The following KSR2 variants were observed in gnomAD, a reference collection of about 807,000 sequenced individuals.
The protein encoded by KSR2 is kinase suppressor of ras 2.
Under a neutral mutation model 107.8 loss-of-function variants are expected in KSR2, and 25 were observed. The ratio of observed to expected loss-of-function variants is 0.23; its 90% CI spans 0.17 to 0.32. The LOEUF is 0.32. KSR2 is among the 10% of genes least tolerant of loss of function. The probability of loss-of-function intolerance (pLI) is 1.00; values close to 1 mark genes in which losing one functional copy is unlikely to be tolerated. For missense variants in KSR2, 887 were observed against 1,268.9 expected (o/e 0.70, Z 4.57); for synonymous variants, 480 against 507.0 (o/e 0.95, Z 0.71).
At chr12:117,773,871 C>T (rs1889593698) in intron 3 of KSR2, among the ~76,000 whole-genome samples, 6 of 149,614 alleles carry the variant, frequency 4.0e-5, no homozygotes, top group Admixed American at 3.3e-4. Flanking sequence ...GTTTGCTGTG[C>T]CCCTACCATG....
chr12:117,675,522 T>G (rs1885078824), intron 4 of KSR2, among the ~76,000 whole-genome samples: 1 of 152,246 alleles, frequency 6.6e-6, no homozygotes, highest in Non-Finnish European at 1.5e-5. Context: ...TGGCAGGTGG[T>G]TGCACATTCA....
intron 5 of KSR2, among the ~76,000 whole-genome samples, chr12:117,659,551 G>A (rs1409382458): frequency 6.6e-6 from 1 of 152,190 alleles, no homozygotes; most frequent in Non-Finnish European, 1.5e-5. Context: ...CACTTTGAGT[G>A]GCAGCAGAGA....
chr12:117,848,841 G>GTGATGGTGGTGATGGTGA (rs1555249537), intron 3 of KSR2, among the ~76,000 whole-genome samples: 16 of 141,780 alleles, frequency 1.1e-4, no homozygotes, highest in African/African-American at 4.1e-4. Context: ...GGTAGTGGTG[G>GTGATGGTGGTGATGGTGA]TGATGGTGAT....
At chr12:117,816,966 C>A (rs1193197202) in intron 3 of KSR2, among the ~76,000 whole-genome samples, 3 of 152,174 alleles carry the variant, frequency 2.0e-5, no homozygotes. Flanking sequence ...GCACATCCAT[C>A]TGGCTGTTCA....
chr12:117,636,347 A>G lies in KSR2; in HGVS notation c.1171+31127T>C, dbSNP rs558637402. The stretch of plus-strand genomic sequence containing the variant: ...AATAAATCTTATGTACTCCAAATAT[A>G]TATATATATATATGGATATATGTAT... On this transcript the variant is annotated intron_variant, in intron 5 of 19. Coordinates refer to ENST00000339824, the MANE Select transcript of KSR2 (RefSeq NM_173598.6). 2.3e-3 allele frequency among the ~76,000 whole-genome samples: 238 copies of G among 104,078 alleles called. 1 individual carries two copies. Among genetic ancestry groups the G allele is most frequent in the African/African-American group, 8.5e-3 (226 of 26,744 alleles). The allele number at this position is 104,078 out of a possible 152,430, so 68.3% of individuals were successfully genotyped here. A position where few individuals can be genotyped will look rare whatever the true frequency, so the allele number is the denominator to read the frequency against.
rs1889023043 is a variant in KSR2, at chr12:117,761,531, T to C, written c.473-7A>G. 2 of 1,612,990 alleles carry C rather than the reference T, an allele frequency of 1.2e-6. No homozygotes were observed. Among genetic ancestry groups the C allele is most frequent in the African/African-American group, 1.3e-5 (1 of 74,960 alleles). ...TGTTTGGAAAGGTTGCCTCCTGAGT[T>C]GGAACAGAAGAGCAGAGACAATGGG... On this transcript the variant is annotated splice_polypyrimidine_tract_variant and splice_region_variant and intron_variant, in intron 3 of 19. Transcript: ENST00000339824.
intron 3 of KSR2, among the ~76,000 whole-genome samples, chr12:117,793,377 ACAC>A (rs1169986288): frequency 6.7e-6 from 1 of 148,476 alleles, no homozygotes; most frequent in Non-Finnish European, 1.5e-5. Context: ...ACATGCACAC[ACAC>A]CACTGTGCAC....
chr12:117,754,850 C>T (rs542948814), intron 4 of KSR2, among the ~76,000 whole-genome samples: 80 of 152,236 alleles, frequency 5.3e-4, no homozygotes, highest in Middle Eastern at 3.4e-3. Flanking sequence ...AACCCAAGAC[C>T]TCCTTTGGTA....
chr12:117,637,741 A>AGG (rs1883182524), intron 5 of KSR2, among the ~76,000 whole-genome samples: 4 of 128,218 alleles, frequency 3.1e-5, no homozygotes, highest in Non-Finnish European at 6.2e-5. Flanking sequence ...GAGTGCAATG[A>AGG]CACGATCTCA....
chr12:117,723,812 A>T lies in KSR2; in HGVS notation c.986+37199T>A, dbSNP rs181562413. On this transcript the variant is annotated intron_variant, in intron 4 of 19. Transcript: ENST00000339824. ...CAACCATTTCATAATATCATTTTTTAAAAAAATCTAATACGGGATTTTTGA... is the reference window on the plus strand; with the variant it reads ...CAACCATTTCATAATATCATTTTTTTAAAAAATCTAATACGGGATTTTTGA... Among the ~76,000 whole-genome samples, 22 of 152,262 alleles carry T rather than the reference A, an allele frequency of 1.4e-4. No homozygotes were observed. In the East Asian group the frequency reaches 2.5e-3, roughly 17 times the overall value.
At position 117,958,025 on chromosome 12, in the gene KSR2, GT is replaced by G. The variant is rs376133899; in HGVS notation, c.180+10050del. Among the ~76,000 whole-genome samples, 82 of 152,134 alleles carry G rather than the reference GT, an allele frequency of 5.4e-4. 1 individual carries two copies. The East Asian group carries it at 0.014, about 26-fold the overall frequency. ...TTTTTGTATTTTTAGTAGAGACGGGGTTTCGCCATGTTGGCCAAGCTGGTCT... is the reference window on the plus strand; with the variant it reads ...TTTTTGTATTTTTAGTAGAGACGGGGTTCGCCATGTTGGCCAAGCTGGTCT... On this transcript the variant is annotated intron_variant, in intron 1 of 19. Transcript: ENST00000339824.
At chr12:117,950,937 G>A (rs1423916838) in intron 1 of KSR2, among the ~76,000 whole-genome samples, 3 of 151,566 alleles carry the variant, frequency 2.0e-5, no homozygotes, top group Non-Finnish European at 4.4e-5. Flanking sequence ...TTTTTGAGAT[G>A]GAATCTCACT....
At chr12:117,634,793 A>G (rs1030389155) in intron 5 of KSR2, among the ~76,000 whole-genome samples, 2 of 152,124 alleles carry the variant, frequency 1.3e-5, no homozygotes, top group Non-Finnish European at 2.9e-5. Context: ...TGGTTGGGAG[A>G]ATGTAAATGT....
intron 13 of KSR2, 96 bp from the exon 14 acceptor site, chr12:117,525,315 G>T: frequency 1.5e-6 from 2 of 1,337,426 alleles, no homozygotes. Context: ...CGTAGGTCTG[G>T]GCACATCTCT....
chr12:117,826,895 G>A (rs1200111971), intron 3 of KSR2, among the ~76,000 whole-genome samples: 1 of 151,982 alleles, frequency 6.6e-6, no homozygotes, highest in East Asian at 1.9e-4. Context: ...AGACCAGCCT[G>A]GGTAACATGG....
intron 1 of KSR2, among the ~76,000 whole-genome samples, chr12:117,879,241 AATTTT>A (rs1435628232): frequency 2.0e-5 from 3 of 152,168 alleles, no homozygotes; most frequent in Admixed American, 6.5e-5. Flanking sequence ...ACATTTTGGG[AATTTT>A]ATTTTATGTT....
Position 117,794,144 on chromosome 12 carries a change from CCCAACATGCACACATACA to C in KSR2, c.473-32638_473-32621del, listed in dbSNP as rs1274297327. ...CACACTCACACCAACATGCACACAC[CCCAACATGCACACATACA>C]CCAACATGCGCACACACCAACATGC... On this transcript the variant is annotated intron_variant, in intron 3 of 19. Coordinates refer to ENST00000339824, the MANE Select transcript of KSR2 (RefSeq NM_173598.6). Among the ~76,000 whole-genome samples the C allele has an allele frequency of 7.7e-3, 471 of 61,432 alleles. 19 individuals carry two copies. Among genetic ancestry groups the C allele is most frequent in the Non-Finnish European group, 0.01 (332 of 31,758 alleles). The allele number at this position is 61,432 out of a possible 152,430, so 40.3% of individuals were successfully genotyped here. A position where few individuals can be genotyped will look rare whatever the true frequency, so the allele number is the denominator to read the frequency against.
At chr12:117,554,554 G>A (rs1307713950) in intron 9 of KSR2, among the ~76,000 whole-genome samples, 1 of 152,160 alleles carries the variant, frequency 6.6e-6, no homozygotes, top group Non-Finnish European at 1.5e-5. Flanking sequence ...CATGGGAGGG[G>A]CCCAGTGGGA....
At chr12:117,964,026 C>T (rs1169158515) in intron 1 of KSR2, among the ~76,000 whole-genome samples, 1 of 152,190 alleles carries the variant, frequency 6.6e-6, no homozygotes, top group Non-Finnish European at 1.5e-5. Context: ...GTGGCTCACG[C>T]CTGCACTTTG....
Sources: gnomAD v4.1 joint callset for allele counts (sites outside exome capture counted in the v4.1 genomes callset) on GRCh38, gnomAD v4.1.1 for gene constraint, MANE v1.5 for transcripts, NCBI Gene and HGNC (gene_info 2026-07-23, HGNC 2026-07-21) for gene names.